The following METTL15 variants were observed in gnomAD, a reference collection of about 807,000 sequenced individuals.
The protein encoded by METTL15 is methyltransferase 15, mitochondrial 12S rRNA N4-cytidine.
METTL15 carries 34 observed loss-of-function variants against 38.3 expected under a neutral mutation model. That is an observed-to-expected ratio of 0.89 (90% confidence interval 0.68 to 1.18). METTL15 has a LOEUF of 1.18. METTL15 is among the 50% of genes most tolerant of loss of function. The pLI is 0.00. For synonymous variants in METTL15, 162 were observed against 170.9 expected (o/e 0.95, Z 0.41); for missense variants, 438 against 498.4 (o/e 0.88, Z 1.15).
chr11:28,116,930 C>T (rs1851987905), intron 3 of METTL15, among the ~76,000 whole-genome samples: 1 of 151,828 alleles, frequency 6.6e-6, no homozygotes, highest in Non-Finnish European at 1.5e-5. Context: ...GCTGCTGCAC[C>T]CAGATAAACC....
At chr11:28,393,152 A>T (rs529723984) in intron 5 of METTL15, among the ~76,000 whole-genome samples, 77 of 152,252 alleles carry the variant, frequency 5.1e-4, no homozygotes, top group Middle Eastern at 3.4e-3. Flanking sequence ...TTGCCATATG[A>T]TCCTTCAATC....
intron 4 of METTL15, among the ~76,000 whole-genome samples, chr11:28,288,484 A>G (rs1856377796): frequency 6.6e-6 from 1 of 152,202 alleles, no homozygotes; most frequent in East Asian, 1.9e-4. Flanking sequence ...AAGCAGCCAT[A>G]AAACAGAATG....
chr11:28,291,845 T>C (rs1213205477), intron 5 of METTL15, among the ~76,000 whole-genome samples: 2 of 152,082 alleles, frequency 1.3e-5, no homozygotes, highest in Non-Finnish European at 2.9e-5. Context: ...TAAAGACTTA[T>C]CAGCAAATTG....
intron 5 of METTL15, among the ~76,000 whole-genome samples, chr11:28,393,952 C>G (rs1850540494): frequency 6.9e-6 from 1 of 145,482 alleles, no homozygotes; most frequent in Non-Finnish European, 1.5e-5. Flanking sequence ...ATCCATACTC[C>G]TGATTTTTAA....
At chr11:28,414,095 G>T (rs183451407) in intron 5 of METTL15, among the ~76,000 whole-genome samples, 7 of 152,106 alleles carry the variant, frequency 4.6e-5, no homozygotes, top group African/African-American at 1.7e-4. Flanking sequence ...TGAAGTTGGT[G>T]AGGATCAAAG....
chr11:28,427,316 A>G (rs919276075), intron 6 of METTL15, among the ~76,000 whole-genome samples: 8 of 152,150 alleles, frequency 5.3e-5, no homozygotes, highest in African/African-American at 1.2e-4. Flanking sequence ...AACCAGTACC[A>G]TACTGTTTTG....
chr11:28,454,871 A>G (rs1851154473), intron 6 of METTL15, among the ~76,000 whole-genome samples: 1 of 152,170 alleles, frequency 6.6e-6, no homozygotes, highest in Non-Finnish European at 1.5e-5. Context: ...ATATGACTCT[A>G]AAGGTTTGGA....
At chr11:28,321,852 TAGG>T (rs1020948109) in intron 6 of METTL15, among the ~76,000 whole-genome samples, 4 of 149,272 alleles carry the variant, frequency 2.7e-5, no homozygotes, top group African/African-American at 1.0e-4. Context: ...TGCAGAAAAA[TAGG>T]AGAAACGCAT....
intron 4 of METTL15, among the ~76,000 whole-genome samples, chr11:28,265,762 T>C (rs979610350): frequency 2.0e-5 from 3 of 152,200 alleles, no homozygotes; most frequent in Non-Finnish European, 4.4e-5. Flanking sequence ...TACCCAAATA[T>C]CTTCTTGACA....
rs546547518 is a variant in METTL15, at chr11:28,333,440, A to T, written c.*2599A>T. On this transcript the variant is annotated 3_prime_UTR_variant, in exon 7 of 7. Coordinates refer to ENST00000407364, the MANE Select transcript of METTL15 (RefSeq NM_001113528.2). ...AATGGTTTTGGGAAGTTCCTACAGT[A>T]CACAGAAATAAAAGCTAATGTTACT... 3.3e-5 allele frequency: 5 copies of T among 152,214 alleles called. No homozygotes were observed. The highest frequency in any genetic ancestry group is 7.3e-5 in the Non-Finnish European group (5 of 68,028). 9.4% of individuals were successfully genotyped at this position (152,214 alleles called of 1,614,324 possible).
At chr11:28,174,874 AC>A in intron 3 of METTL15, among the ~76,000 whole-genome samples, 1 of 151,230 alleles carries the variant, frequency 6.6e-6, no homozygotes, top group African/African-American at 2.4e-5. Flanking sequence ...GAACTGTAAA[AC>A]CATACATCTT....
chr11:28,462,455 C>T (rs1161790690), intron 6 of METTL15, among the ~76,000 whole-genome samples: 1 of 150,164 alleles, frequency 6.7e-6, no homozygotes, highest in Non-Finnish European at 1.5e-5. Context: ...TACACATACA[C>T]ACACATCTGC....
At chr11:28,282,783 A>G (rs1487054097) in intron 4 of METTL15, among the ~76,000 whole-genome samples, 4 of 152,138 alleles carry the variant, frequency 2.6e-5, no homozygotes, top group African/African-American at 7.2e-5. Context: ...CAGCTTCCCA[A>G]TGTGTAAGTG....
intron 6 of METTL15, among the ~76,000 whole-genome samples, chr11:28,318,334 CA>C (rs1475239882): frequency 6.6e-6 from 1 of 151,674 alleles, no homozygotes; most frequent in Non-Finnish European, 1.5e-5. Context: ...GGTTGGTAGA[CA>C]AGTAGTACAG....
At chr11:28,217,986 G>T (rs942768391) in intron 4 of METTL15, among the ~76,000 whole-genome samples, 16 of 152,142 alleles carry the variant, frequency 1.1e-4, no homozygotes, top group South Asian at 4.1e-4. Flanking sequence ...TTGAAGTCAG[G>T]TAGCTTGATG....
intron 3 of METTL15, among the ~76,000 whole-genome samples, chr11:28,207,959 C>A (rs901008532): frequency 1.3e-5 from 2 of 151,990 alleles, no homozygotes; most frequent in African/African-American, 4.8e-5. Flanking sequence ...GGTGATATCC[C>A]CTTTATCATT....
At chr11:28,529,254 G>T (rs866247031), downstream of METTL15, among the ~76,000 whole-genome samples, 3 of 152,064 alleles carry the variant, frequency 2.0e-5, no homozygotes, top group African/African-American at 7.2e-5. Context: ...ACACTAGACC[G>T]CAGCCTTGTG....
At chr11:28,277,297 C>G (rs1445656174) in intron 4 of METTL15, among the ~76,000 whole-genome samples, 1 of 152,100 alleles carries the variant, frequency 6.6e-6, no homozygotes, top group Non-Finnish European at 1.5e-5. Context: ...TATCACAGTG[C>G]TATTCACAAT....
At chr11:28,220,466 A>G (rs1853148133) in intron 4 of METTL15, among the ~76,000 whole-genome samples, 2 of 152,118 alleles carry the variant, frequency 1.3e-5, no homozygotes, top group Admixed American at 1.3e-4. Flanking sequence ...TCTGCACATG[A>G]GATGGGTTTC....
Sources: gnomAD v4.1 joint callset for allele counts (sites outside exome capture counted in the v4.1 genomes callset) on GRCh38, gnomAD v4.1.1 for gene constraint, MANE v1.5 for transcripts, NCBI Gene and HGNC (gene_info 2026-07-23, HGNC 2026-07-21) for gene names.